Variants in LAMC1 observed in about 807,000 individuals in gnomAD.
LAMC1 encodes laminin subunit gamma 1, also known as laminin subunit gamma-1.
In LAMC1, 38 loss-of-function variants were observed where a neutral mutation model predicts 173.6. The observed-to-expected ratio is 0.22, with a 90% CI of 0.17 to 0.29. The LOEUF (loss-of-function observed/expected upper bound fraction) is 0.29. Ranked by LOEUF, LAMC1 falls within the 10% of genes least tolerant of loss-of-function variation. LAMC1 has a pLI of 1.00. For missense variants in LAMC1, 1,824 were observed against 2,051.8 expected, an observed-to-expected ratio of 0.89 and a Z score of 2.14; for synonymous variants, 746 against 749.1, an observed-to-expected ratio of 1.00 and a Z score of 0.07.
At chr1:183,131,245 A>G in intron 19 of LAMC1, 54 bp from the exon 20 acceptor site, 2 of 1,368,096 alleles carry the variant, frequency 1.5e-6, no homozygotes, top group Non-Finnish European at 2.1e-6. Flanking sequence ...CTCTTGCTTT[A>G]TTAAATGTAA....
At chr1:183,131,172 CAAAAA>C in intron 19 of LAMC1, 122 bp from the exon 20 acceptor site, 23 of 398,396 alleles carry the variant, frequency 5.8e-5, no homozygotes, top group Middle Eastern at 5.6e-4. Flanking sequence ...GAAACTATCT[CAAAAA>C]AAAAAAAAAA....
intron 24 of LAMC1, 106 bp downstream of exon 24, chr1:183,135,262 C>T (rs917582721): frequency 2.9e-6 from 2 of 689,034 alleles, no homozygotes; most frequent in South Asian, 1.8e-5. Flanking sequence ...CAACTCCCTA[C>T]TTTTTTTATG....
chr1:183,045,850 T>C (rs991162783), intron 1 of LAMC1, among the ~76,000 whole-genome samples: 13 of 152,246 alleles, frequency 8.5e-5, no homozygotes, highest in Non-Finnish European at 1.3e-4. Flanking sequence ...TTTGGTGGTA[T>C]AAAATTGTAT....
Position 183,121,936 on chromosome 1 carries a change from C to A in LAMC1, c.2204C>A (p.Pro735His), listed in dbSNP as rs1656487239. 6.2e-7 allele frequency: 1 copy of A among 1,613,648 alleles called. No homozygotes were observed. Among genetic ancestry groups the A allele is most frequent in the Non-Finnish European group, 8.5e-7 (1 of 1,179,686 alleles). Reference protein sequence around the residue: ...ACNGHSETCDPETGVCNCRDN... With the variant: ...ACNGHSETCDHETGVCNCRDN... ...AATGGACACAGCGAGACCTGTGATC[C>A]TGAGACAGGTGAGATGATCTTTGGC... Residue 735 changes from proline (P) to histidine (H), a missense_variant, in exon 12 of 28, where the codon CCT becomes CAT. Pro to His is a moderately conservative substitution (Grantham distance 77). Transcript: ENST00000258341.
chr1:183,097,585 C>T (rs905318588), intron 1 of LAMC1, among the ~76,000 whole-genome samples: 1 of 152,128 alleles, frequency 6.6e-6, no homozygotes, highest in Non-Finnish European at 1.5e-5. Flanking sequence ...TTTATGTTCC[C>T]CAGCAGTCAG....
At chr1:183,071,857 A>G (rs751695669) in intron 1 of LAMC1, among the ~76,000 whole-genome samples, 1 of 152,200 alleles carries the variant, frequency 6.6e-6, no homozygotes, top group Non-Finnish European at 1.5e-5. Context: ...GGCAAAACAC[A>G]TGGAAAACAA....
In LAMC1 at chr1:183,137,797, C is replaced by T. The variant is rs756554690; in HGVS notation, c.4443C>T (p.Asp1481=). Residue 1481 remains aspartate (D), a synonymous_variant, in exon 26 of 28, where the codon GAC becomes GAT. Transcript: ENST00000258341. Reference sequence around the variant, plus strand: ...AAGAGCTAAAGAGAAAACAAGATGACGCTGACCAGGACATGATGATGGCAG... The same window carrying T: ...AAGAGCTAAAGAGAAAACAAGATGATGCTGACCAGGACATGATGATGGCAG... The part of the protein sequence containing the change: ...AEKELKRKQD[D]ADQDMMMAGM... 58 of 1,610,300 alleles carry T rather than the reference C, an allele frequency of 3.6e-5. No homozygotes were observed. The highest frequency in any genetic ancestry group is 4.0e-5 in the Non-Finnish European group (47 of 1,178,092).
rs75185221 is a variant in LAMC1, at chr1:183,128,011, C to T, written c.3124-583C>T. On this transcript the variant is annotated intron_variant, in intron 17 of 27. Transcript: ENST00000258341. The stretch of plus-strand genomic sequence containing the variant: ...AGGAATGGGGCTTAATGGGAAGCCT[C>T]AATTGGATTGGATAAATATGCGTGT... 4.9e-4 allele frequency among the ~76,000 whole-genome samples: 74 copies of T among 152,092 alleles called. No homozygotes were observed. The East Asian group carries it at 0.013, about 26-fold the overall frequency.
At chr1:183,100,191 A>G (rs1253438040) in intron 1 of LAMC1, among the ~76,000 whole-genome samples, 2 of 151,944 alleles carry the variant, frequency 1.3e-5, no homozygotes, top group Non-Finnish European at 2.9e-5. Context: ...ATTTCTCTCC[A>G]TTCCTCTGTT....
chr1:183,110,872 T>C (rs1418802391), intron 4 of LAMC1, among the ~76,000 whole-genome samples: 1 of 152,226 alleles, frequency 6.6e-6, no homozygotes, highest in Non-Finnish European at 1.5e-5. Flanking sequence ...CATGAACACA[T>C]GTCCCAGAGT....
At chr1:183,024,316 C>G (rs1422758650) in intron 1 of LAMC1, among the ~76,000 whole-genome samples, 182 bp downstream of exon 1, 1 of 152,062 alleles carries the variant, frequency 6.6e-6, no homozygotes, top group Non-Finnish European at 1.5e-5. Context: ...TTTTAACATC[C>G]CGTGAGGGCC....
At chr1:183,141,220 A>T (rs1280313449) in intron 27 of LAMC1, 1 of 152,226 alleles carries the variant, frequency 6.6e-6, no homozygotes, top group Non-Finnish European at 1.5e-5. Flanking sequence ...GGGAGACTGA[A>T]GCAGGTGCAT....
chr1:183,032,927 G>A (rs1187671897), intron 1 of LAMC1, among the ~76,000 whole-genome samples: 2 of 151,824 alleles, frequency 1.3e-5, no homozygotes, highest in Non-Finnish European at 2.9e-5. Flanking sequence ...CTATTCTTGA[G>A]CTGGGTGGAG....
chr1:183,095,861 G>A (rs1655679144), intron 1 of LAMC1, among the ~76,000 whole-genome samples: 1 of 152,138 alleles, frequency 6.6e-6, no homozygotes. Context: ...TGCAGATTAG[G>A]ATGAATTTAT....
At chr1:183,113,028 T>C (rs1656208277) in intron 4 of LAMC1, among the ~76,000 whole-genome samples, 1 of 151,912 alleles carries the variant, frequency 6.6e-6, no homozygotes, top group African/African-American at 2.4e-5. Flanking sequence ...ATAAAATAAT[T>C]AGCAAGGCAT....
intron 1 of LAMC1, among the ~76,000 whole-genome samples, chr1:183,085,073 C>T (rs1009814494): frequency 2.6e-5 from 4 of 151,900 alleles, no homozygotes; most frequent in Non-Finnish European, 2.9e-5. Flanking sequence ...AAAAATTAGC[C>T]GGGTGTGGTG....
intron 1 of LAMC1, among the ~76,000 whole-genome samples, chr1:183,093,489 C>T (rs529581540): frequency 1.3e-5 from 2 of 152,258 alleles, no homozygotes; most frequent in East Asian, 3.9e-4. Context: ...TCCCCCATTG[C>T]TAAAAGTTGG....
chr1:183,026,041 T>C (rs376740316), intron 1 of LAMC1, among the ~76,000 whole-genome samples: 5 of 152,360 alleles, frequency 3.3e-5, no homozygotes, highest in Admixed American at 1.3e-4. Flanking sequence ...TGGGTCATGG[T>C]TGATTAAAAG....
intron 1 of LAMC1, among the ~76,000 whole-genome samples, chr1:183,075,270 G>T (rs1205832803): frequency 2.0e-5 from 3 of 151,938 alleles, no homozygotes; most frequent in Non-Finnish European, 4.4e-5. Context: ...GACTGCTGGT[G>T]TGCGCCACCA....
Sources: allele counts gnomAD v4.1 joint callset (sites outside exome capture counted in the v4.1 genomes callset), GRCh38; gene constraint gnomAD v4.1.1; transcripts MANE v1.5; gene names NCBI Gene and HGNC (gene_info 2026-07-23, HGNC 2026-07-21).